Variants in SNX24 observed in about 807,000 individuals in gnomAD.
The protein encoded by SNX24 is sorting nexin-24.
In SNX24, 22 loss-of-function variants were observed where a neutral mutation model predicts 28.7. That is an observed-to-expected ratio of 0.77 (90% confidence interval 0.55 to 1.10). The LOEUF (loss-of-function observed/expected upper bound fraction) is 1.10, where lower values mean the gene tolerates loss of function less well. Ranked by LOEUF, SNX24 falls within the 50% of genes least tolerant of loss-of-function variation. The pLI is 0.00. For missense variants in SNX24, 221 were observed against 201.1 expected, an observed-to-expected ratio of 1.10 and a Z score of -0.60; for synonymous variants, 69 against 71.5, an observed-to-expected ratio of 0.96 and a Z score of 0.18.
intron 1 of SNX24, among the ~76,000 whole-genome samples, chr5:122,934,141 T>A (rs1459395163): frequency 6.6e-6 from 1 of 152,078 alleles, no homozygotes; most frequent in Non-Finnish European, 1.5e-5. Context: ...AAATATCTGT[T>A]GAATAAATAA....
At chr5:122,990,806 G>A (rs1761813021) in intron 3 of SNX24, among the ~76,000 whole-genome samples, 1 of 152,132 alleles carries the variant, frequency 6.6e-6, no homozygotes, top group Admixed American at 6.5e-5. Context: ...TGGTTCGCTT[G>A]TTGTAAAACA....
intron 1 of SNX24, among the ~76,000 whole-genome samples, chr5:122,863,230 C>A (rs1237813662): frequency 6.6e-6 from 1 of 151,938 alleles, no homozygotes; most frequent in Non-Finnish European, 1.5e-5. Flanking sequence ...CCTGGGAAGG[C>A]AACATTGGAA....
intron 1 of SNX24, among the ~76,000 whole-genome samples, chr5:122,872,606 TA>T (rs974888582): frequency 2.6e-5 from 4 of 152,216 alleles, no homozygotes; most frequent in African/African-American, 9.6e-5. Flanking sequence ...CTGTGTACTT[TA>T]AATCATCTCT....
rs1489343922 is a variant in SNX24, at chr5:122,956,984, T to C, written c.249+10825T>C. Among the ~76,000 whole-genome samples, 6 of 152,314 alleles carry C rather than the reference T, an allele frequency of 3.9e-5. No homozygotes were observed. In the South Asian group the frequency reaches 1.2e-3, roughly 32 times the overall value. ...AAATATATTCTCCCATTTTATATAT[T>C]GCCTTTTTTGATAGCAGAAAATTTT... On this transcript the variant is annotated intron_variant, in intron 3 of 6. Coordinates refer to ENST00000261369, the MANE Select transcript of SNX24 (RefSeq NM_014035.4).
intron 3 of SNX24, among the ~76,000 whole-genome samples, chr5:122,982,744 G>C (rs1761444839): frequency 6.6e-6 from 1 of 152,156 alleles, no homozygotes; most frequent in Non-Finnish European, 1.5e-5. Flanking sequence ...TTGCTTTGTA[G>C]GTGGCTCAAA....
At chr5:122,847,743 C>CCCT (rs1754708774) in intron 1 of SNX24, among the ~76,000 whole-genome samples, 2 of 152,162 alleles carry the variant, frequency 1.3e-5, no homozygotes, top group South Asian at 4.1e-4. Flanking sequence ...AACCATCTGC[C>CCCT]TAGGCCTCCC....
chr5:122,846,159 A>G (rs1224863541), intron 1 of SNX24, among the ~76,000 whole-genome samples: 1 of 151,978 alleles, frequency 6.6e-6, no homozygotes, highest in Non-Finnish European at 1.5e-5. Flanking sequence ...GCCAAACTAA[A>G]CACGTGTATT....
chr5:122,918,655 A>C (rs192909173), intron 1 of SNX24, among the ~76,000 whole-genome samples: 34 of 152,308 alleles, frequency 2.2e-4, no homozygotes, highest in Admixed American at 7.8e-4. Flanking sequence ...TAATGTATAG[A>C]CTTTTAGAGC....
At chr5:122,982,063 C>T (rs1269481104) in intron 3 of SNX24, among the ~76,000 whole-genome samples, 1 of 152,208 alleles carries the variant, frequency 6.6e-6, no homozygotes, top group African/African-American at 2.4e-5. Context: ...CTTTGGCACA[C>T]ACATTTGTTT....
chr5:122,939,717 A>G (rs1319093701), intron 2 of SNX24, among the ~76,000 whole-genome samples: 1 of 152,168 alleles, frequency 6.6e-6, no homozygotes, highest in Non-Finnish European at 1.5e-5. Flanking sequence ...GCTGGGCAAC[A>G]CCCTAGATGT....
intron 1 of SNX24, among the ~76,000 whole-genome samples, chr5:122,864,860 G>A (rs778607129): frequency 6.6e-6 from 1 of 152,252 alleles, no homozygotes; most frequent in Non-Finnish European, 1.5e-5. Flanking sequence ...TACAAAGGCA[G>A]TATAGTCCCC....
At chr5:122,990,803 C>T (rs1394782582) in intron 3 of SNX24, among the ~76,000 whole-genome samples, 1 of 152,124 alleles carries the variant, frequency 6.6e-6, no homozygotes, top group African/African-American at 2.4e-5. Flanking sequence ...TTTTGGTTCG[C>T]TTGTTGTAAA....
intron 3 of SNX24, among the ~76,000 whole-genome samples, chr5:122,960,381 T>G (rs770247839): frequency 6.6e-6 from 1 of 152,302 alleles, no homozygotes; most frequent in East Asian, 1.9e-4. Context: ...ACTACAAAAT[T>G]TTTAGTCCCT....
chr5:122,941,427 C>G (rs1759439784), intron 2 of SNX24, among the ~76,000 whole-genome samples: 2 of 152,142 alleles, frequency 1.3e-5, no homozygotes, highest in African/African-American at 4.8e-5. Context: ...ACCCACCTAT[C>G]TTTGCCATGT....
chr5:122,994,257 G>T (rs1318470837), intron 3 of SNX24, among the ~76,000 whole-genome samples: 1 of 152,220 alleles, frequency 6.6e-6, no homozygotes, highest in Non-Finnish European at 1.5e-5. Flanking sequence ...TGTGTTCTCA[G>T]TGGAGATGTG....
At chr5:122,929,053 T>C (rs373757337) in intron 1 of SNX24, among the ~76,000 whole-genome samples, 8 of 152,078 alleles carry the variant, frequency 5.3e-5, no homozygotes, top group Admixed American at 1.3e-4. Flanking sequence ...TAGGGGTTTT[T>C]GTCTGTGTTC....
At chr5:122,969,863 C>G (rs558541563) in intron 3 of SNX24, among the ~76,000 whole-genome samples, 20 of 152,184 alleles carry the variant, frequency 1.3e-4, no homozygotes, top group Admixed American at 1.2e-3. Context: ...TTGCTTATTT[C>G]AGGCATTATT....
chr5:122,898,180 T>G (rs770228803), intron 1 of SNX24, among the ~76,000 whole-genome samples: 13 of 152,328 alleles, frequency 8.5e-5, no homozygotes, highest in Admixed American at 6.5e-4. Flanking sequence ...TAAGGAAGAT[T>G]CATGATGACT....
chr5:122,951,149 C>T lies in SNX24; in HGVS notation c.249+4990C>T, dbSNP rs528040919. 1.1e-3 allele frequency among the ~76,000 whole-genome samples: 168 copies of T among 151,646 alleles called. 1 individual carries two copies. The highest frequency in any genetic ancestry group is 2.1e-3 in the Non-Finnish European group (145 of 67,858). On this transcript the variant is annotated intron_variant, in intron 3 of 6. Coordinates refer to ENST00000261369, the MANE Select transcript of SNX24 (RefSeq NM_014035.4). ...AGGCGTGGTGGCGGGCACCTGTAGT[C>T]CCAGCTACTCAGGAGGCTGAGGCAG...
Sources: allele counts gnomAD v4.1 joint callset (sites outside exome capture counted in the v4.1 genomes callset), GRCh38; gene constraint gnomAD v4.1.1; transcripts MANE v1.5; gene names NCBI Gene and HGNC (gene_info 2026-07-23, HGNC 2026-07-21).